Variants in SLC35H1 observed in about 807,000 individuals in gnomAD.
SLC35H1 encodes the protein ovarian cancer-overexpressed gene 1 protein.
chr20:46,355,116 A>T, the SLC35H1 span: 8 of 1,614,104 alleles, frequency 5.0e-6, no homozygotes, highest in Non-Finnish European at 6.8e-6. The surrounding 1 kb of genome is among the most constrained non-coding windows in gnomAD (Gnocchi z 4.8). Context: ...GGGTCCAGCG[A>T]ATGCCACCGA....
chr20:46,354,359 G>A, the SLC35H1 span, among the ~76,000 whole-genome samples: 3 of 152,078 alleles, frequency 2.0e-5, no homozygotes, highest in African/African-American at 4.8e-5. Flanking sequence ...TCCAAACCAC[G>A]GCCTGGGAAG....
the SLC35H1 span, among the ~76,000 whole-genome samples, chr20:46,356,053 C>G: frequency 6.6e-6 from 1 of 152,078 alleles, no homozygotes; most frequent in African/African-American, 2.4e-5. Context: ...TGGTTATCAC[C>G]AGAGAGAAGA....
chr20:46,360,273 T>A, the SLC35H1 span, among the ~76,000 whole-genome samples: 1 of 152,058 alleles, frequency 6.6e-6, no homozygotes, highest in Non-Finnish European at 1.5e-5. Context: ...CTGAAAATGG[T>A]CAAAATTGGT....
the SLC35H1 span, chr20:46,358,506 T>C: frequency 6.2e-7 from 1 of 1,614,122 alleles, no homozygotes; most frequent in South Asian, 1.1e-5. Context: ...CACCTCCCCA[T>C]TCGTGGCGGC....
At chr20:46,351,000 C>T in the SLC35H1 span, 7 of 1,441,880 alleles carry the variant, frequency 4.9e-6, no homozygotes, top group East Asian at 1.6e-4. Context: ...AGATCAAGAT[C>T]TTACTGAAAT....
the SLC35H1 span, chr20:46,352,310 C>G: frequency 4.0e-6 from 5 of 1,238,700 alleles, no homozygotes; most frequent in Non-Finnish European, 4.6e-6. Context: ...AGATCTTCCA[C>G]TGTAGTAGTG....
the SLC35H1 span, chr20:46,347,718 A>C: frequency 6.6e-6 from 1 of 152,168 alleles, no homozygotes; most frequent in Non-Finnish European, 1.5e-5. Flanking sequence ...TTGAGCCCTC[A>C]AGGCAGAAAA....
the SLC35H1 span, chr20:46,354,850 G>A: frequency 6.5e-7 from 1 of 1,549,908 alleles, no homozygotes; most frequent in Non-Finnish European, 8.8e-7. Flanking sequence ...CTGCTGCACT[G>A]AGGTGCCCTT....
the SLC35H1 span, among the ~76,000 whole-genome samples, chr20:46,359,550 GGCTGGA>G: frequency 2.0e-5 from 3 of 152,174 alleles, no homozygotes; most frequent in East Asian, 5.8e-4. Context: ...ACACTCTAAC[GGCTGGA>G]ACACTGTAAG....
At chr20:46,351,702 G>A in the SLC35H1 span, among the ~76,000 whole-genome samples, 1 of 152,236 alleles carries the variant, frequency 6.6e-6, no homozygotes, top group Admixed American at 6.5e-5. Flanking sequence ...GTGGCTCCAG[G>A]CCACTGCCCA....
chr20:46,346,308 G>A, the SLC35H1 span: 1 of 152,302 alleles, frequency 6.6e-6, no homozygotes, highest in East Asian at 1.9e-4. Context: ...GAAGGGACGT[G>A]GCTGATGTCA....
the SLC35H1 span, chr20:46,363,200 T>A: frequency 3.3e-5 from 5 of 152,276 alleles, no homozygotes; most frequent in African/African-American, 1.2e-4. Context: ...TCTTTTTTGC[T>A]GGCACCTTCT....
the SLC35H1 span, chr20:46,352,678 T>TG: frequency 7.3e-6 from 1 of 137,452 alleles, no homozygotes; most frequent in Non-Finnish European, 1.5e-5. Flanking sequence ...GGGATCCTAG[T>TG]GGAATGATGG....
At chr20:46,358,823 T>A in the SLC35H1 span, 1 of 1,104,460 alleles carries the variant, frequency 9.1e-7, no homozygotes, top group Admixed American at 2.0e-5. Context: ...CTCGTAGCCA[T>A]GGGTGCCTCT....
chr20:46,351,012 C>G, the SLC35H1 span: 6 of 1,304,398 alleles, frequency 4.6e-6, no homozygotes, highest in Non-Finnish European at 6.4e-6. Context: ...TACTGAAATC[C>G]TGGGCCCAGG....
the SLC35H1 span, among the ~76,000 whole-genome samples, chr20:46,360,027 T>C: frequency 6.6e-6 from 1 of 152,120 alleles, no homozygotes; most frequent in African/African-American, 2.4e-5. Context: ...TGGCGGTATT[T>C]TGGGGATATG....
At chr20:46,363,464 T>C in the SLC35H1 span, among the ~76,000 whole-genome samples, 3 of 152,196 alleles carry the variant, frequency 2.0e-5, no homozygotes, top group Non-Finnish European at 2.9e-5. Flanking sequence ...TCCCAATCTA[T>C]CCCAAAGTCA....
chr20:46,354,873 C>T, the SLC35H1 span: 2 of 1,587,788 alleles, frequency 1.3e-6, no homozygotes, highest in Non-Finnish European at 1.7e-6. Context: ...GAGGGAAGGC[C>T]CAACGTACCT....
the SLC35H1 span, chr20:46,358,764 C>T: frequency 1.3e-6 from 2 of 1,523,546 alleles, no homozygotes; most frequent in South Asian, 2.4e-5. Context: ...CCAAGGTCTG[C>T]TGCTGGGGAA....
Sources: allele counts gnomAD v4.1 joint callset (sites outside exome capture counted in the v4.1 genomes callset), GRCh38; gene constraint gnomAD v4.1.1; non-coding constraint Gnocchi (gnomAD v3.1); transcripts MANE v1.5; gene names NCBI Gene and HGNC (gene_info 2026-07-23, HGNC 2026-07-21).